Variants in FLNC observed in about 807,000 individuals in gnomAD.
FLNC encodes the protein filamin C.
FLNC carries 91 observed loss-of-function variants against 254.3 expected under a neutral mutation model. That is an observed-to-expected ratio of 0.36 (90% confidence interval 0.30 to 0.43). The LOEUF (loss-of-function observed/expected upper bound fraction) is 0.43. FLNC is among the 20% of genes least tolerant of loss of function. FLNC has a pLI of 1.00. For missense variants in FLNC, 2,853 were observed against 3,802.6 expected (o/e 0.75, Z 6.57); for synonymous variants, 1,430 against 1,577.2 (o/e 0.91, Z 2.21).
In FLNC at chr7:128,841,387, C is replaced by G; in HGVS notation, c.2007+24C>G. 6.2e-7 allele frequency: 1 copy of G among 1,613,678 alleles called. No individual in the cohort carries two copies. The highest frequency in any genetic ancestry group is 2.2e-5 in the East Asian group (1 of 44,884). ...AGGTGTGGTCCCAGCTCACACACAC[C>G]TGCCCCGGGGGTGGGGCAAGCTGGT... On this transcript the variant is annotated intron_variant, in intron 12 of 47. Transcript: ENST00000325888. The surrounding 1 kb of genome is among the most constrained non-coding windows in gnomAD (Gnocchi z 4.3).
At chr7:128,847,660 G>A (rs1808616652) in intron 24 of FLNC, 37 bp from the exon 25 acceptor site, 7 of 1,612,164 alleles carry the variant, frequency 4.3e-6, no homozygotes, top group Non-Finnish European at 5.9e-6. Flanking sequence ...GACCCATCAG[G>A]GCTGGTGGGC....
chr7:128,857,794 C>T lies in FLNC; in HGVS notation c.7781-214C>T, dbSNP rs931684172. Among the ~76,000 whole-genome samples, 2 of 152,160 alleles carry T rather than the reference C, an allele frequency of 1.3e-5. No individual in the cohort carries two copies. The highest frequency in any genetic ancestry group is 1.3e-4 in the Admixed American group (2 of 15,286). ...AGGGACGCAGCATCTGAGGCCCCAGCCCTAGGGTGGAGCACCAGTTGGAGC... is the reference window on the plus strand; with the variant it reads ...AGGGACGCAGCATCTGAGGCCCCAGTCCTAGGGTGGAGCACCAGTTGGAGC... On this transcript the variant is annotated intron_variant, in intron 46 of 47. Transcript: ENST00000325888. This position sits in a 1 kb window ranked among gnomAD's most constrained non-coding sequence, Gnocchi z 4.5.
In FLNC at chr7:128,852,507, G is replaced by C. The variant is rs571379135; in HGVS notation, c.5843-84G>C. 5.5e-4 allele frequency: 839 copies of C among 1,518,022 alleles called. 1 individual carries two copies. Among genetic ancestry groups the C allele is most frequent in the African/African-American group, 8.2e-4 (60 of 73,274 alleles). The allele number at this position is 1,518,022 out of a possible 1,614,324, so 94.0% of individuals were successfully genotyped here. ...CCCCGTGTCTGTTGAGTCCAGGGGG[G>C]GCTGCTCAGGAGGGTTCCTGAGCCC... On this transcript the variant is annotated intron_variant, in intron 35 of 47. Transcript: ENST00000325888.
At position 128,853,588 on chromosome 7, in the gene FLNC, A is replaced by G. The variant is rs1236042892; in HGVS notation, c.6328A>G (p.Ile2110Val). 1 of 1,613,978 alleles carries G rather than the reference A, an allele frequency of 6.2e-7. No individual in the cohort carries two copies. Among genetic ancestry groups the G allele is most frequent in the Non-Finnish European group, 8.5e-7 (1 of 1,180,046 alleles). ...YCPTEPGTYI[I>V]NIKFADKHVP... is the part of the protein sequence containing the mutation. ...CCCCACCGAGCCCGGCACCTACATC[A>G]TCAACATCAAGTTTGCTGACAAGCA... The change falls in exon 38 of 48, where the codon ATC becomes GTC. Residue 2110 changes from isoleucine (I) to valine (V), a missense_variant. By Grantham distance (29) the Ile-to-Val change is conservative. Transcript: ENST00000325888.
Position 128,835,465 on chromosome 7 carries a change from G to T in FLNC, c.492G>T (p.Arg164=), listed in dbSNP as rs751988597. Residue 164 remains arginine, a synonymous_variant, in exon 2 of 48, where the codon CGG becomes CGT. Coordinates refer to ENST00000325888, the MANE Select transcript of FLNC (RefSeq NM_001458.5). This position sits in a 1 kb window ranked among gnomAD's most constrained non-coding sequence, Gnocchi z 5.3. The stretch of plus-strand genomic sequence containing the variant: ...CCCGCAAACAGACGCCCAAGCAGCG[G>T]CTGCTTGGCTGGATCCAGAACAAGG... The part of the protein sequence containing the change: ...EDARKQTPKQ[R]LLGWIQNKVP... The T allele has an allele frequency of 3.1e-6, 5 of 1,613,950 alleles. No individual in the cohort carries two copies. Among genetic ancestry groups the T allele is most frequent in the Non-Finnish European group, 4.2e-6 (5 of 1,180,034 alleles).
At chr7:128,853,316 G>A in intron 37 of FLNC, 153 bp from the exon 38 acceptor site, 1 of 932,186 alleles carries the variant, frequency 1.1e-6, no homozygotes, top group Non-Finnish European at 1.7e-6. Context: ...CCTGTCCCGT[G>A]GTGCCCCCGC....
At position 128,841,186 on chromosome 7, in the gene FLNC, G is replaced by C. The variant is rs747467683; in HGVS notation, c.1830G>C (p.Gly610=). The C allele has an allele frequency of 6.2e-7, 1 of 1,613,882 alleles. No individual in the cohort carries two copies. ...EVGTLGFSIE[G]PSQAKIECDD... ...TTGCCCCAGGCTTCTCCATCGAGGG[G>C]CCCTCACAAGCCAAGATCGAATGTG... The change falls in exon 12 of 48, where the codon GGG becomes GGC. Residue 610 remains glycine, a synonymous_variant. Coordinates refer to ENST00000325888, the MANE Select transcript of FLNC (RefSeq NM_001458.5). The surrounding 1 kb of genome is among the most constrained non-coding windows in gnomAD (Gnocchi z 4.3).
At chr7:128,850,225 G>A in intron 31 of FLNC, 151 bp downstream of exon 31, 3 of 910,876 alleles carry the variant, frequency 3.3e-6, no homozygotes, top group African/African-American at 1.6e-5. Context: ...CCCCACTTGG[G>A]CACAGCACTC....
At chr7:128,843,053 G>C (rs1808407028) in intron 16 of FLNC, 99 bp downstream of exon 16, 3 of 1,484,546 alleles carry the variant, frequency 2.0e-6, no homozygotes, top group East Asian at 4.7e-5. Context: ...TGATTCCGCA[G>C]ACATGGTGGA....
At position 128,844,089 on chromosome 7, in the gene FLNC, G is replaced by A. The variant is rs1278675439; in HGVS notation, c.3015G>A (p.Ser1005=). ...GQGQLDVRMT[S]PSRRPIPCKL... ...GCCAACTGGATGTGCGGATGACTTCGCCCTCTCGCCGGCCCATCCCCTGCA... is the reference window on the plus strand; with the variant it reads ...GCCAACTGGATGTGCGGATGACTTCACCCTCTCGCCGGCCCATCCCCTGCA... Residue 1005 remains serine (S), a synonymous_variant, in exon 20 of 48, where the codon TCG becomes TCA. Transcript: ENST00000325888. The A allele has an allele frequency of 8.1e-6, 13 of 1,613,816 alleles. No individual in the cohort carries two copies. The East Asian group carries it at 1.6e-4, about 19-fold the overall frequency.
Position 128,844,807 on chromosome 7 carries a change from T to C in FLNC, c.3342T>C (p.Asp1114=), listed in dbSNP as rs2128936400. ...AGATCGAGTGCCAGGACAATGGTGA[T>C]GGCTCATGTGCTGTCAGCTACCTGC... ...EAKIECQDNG[D]GSCAVSYLPT... is the part of the protein sequence containing the mutation. Residue 1114 remains aspartate (D), a synonymous_variant, in exon 21 of 48, where the codon GAT becomes GAC. Transcript: ENST00000325888. 1 of 1,614,142 alleles carries C rather than the reference T, an allele frequency of 6.2e-7. No individual in the cohort carries two copies. The highest frequency in any genetic ancestry group is 8.5e-7 in the Non-Finnish European group (1 of 1,180,026).
In FLNC at chr7:128,850,502, C is replaced by G; in HGVS notation, c.5398+19C>G. ...CTCACAGGTACTGCCCTGTGGCTCC[C>G]AGGCATGAGGGCTGAGGGGAGAAAC... On this transcript the variant is annotated intron_variant, in intron 32 of 47. Coordinates refer to ENST00000325888, the MANE Select transcript of FLNC (RefSeq NM_001458.5). 6.3e-7 allele frequency: 1 copy of G among 1,589,036 alleles called. No individual in the cohort carries two copies. The highest frequency in any genetic ancestry group is 2.2e-5 in the East Asian group (1 of 44,798).
chr7:128,845,831 A>G, intron 21 of FLNC, among the ~76,000 whole-genome samples, 159 bp from the exon 22 acceptor site: 1 of 59,554 alleles, frequency 1.7e-5, no homozygotes, highest in African/African-American at 5.3e-5. Context: ...GCAGCCTGGG[A>G]GTTGGGGAGT....
Position 128,842,159 on chromosome 7 carries a change from G to T in FLNC, c.2122-72G>T. 1.3e-6 allele frequency: 2 copies of T among 1,522,574 alleles called. No individual in the cohort carries two copies. Among genetic ancestry groups the T allele is most frequent in the South Asian group, 2.3e-5 (2 of 86,064 alleles). 94.3% of individuals were successfully genotyped at this position (1,522,574 alleles called of 1,614,324 possible). A position where few individuals can be genotyped will look rare whatever the true frequency, so the allele number is the denominator to read the frequency against. On this transcript the variant is annotated intron_variant, in intron 13 of 47. Coordinates refer to ENST00000325888, the MANE Select transcript of FLNC (RefSeq NM_001458.5). The surrounding 1 kb of genome is among the most constrained non-coding windows in gnomAD (Gnocchi z 5.4). Reference sequence around the variant, plus strand: ...TTGGGGGTGGGAAAGGAGGCGCTGGGTTCACCTGCGGCCAGCAGAGGGCGC... The same window carrying T: ...TTGGGGGTGGGAAAGGAGGCGCTGGTTTCACCTGCGGCCAGCAGAGGGCGC...
rs1562991895 is a variant in FLNC at position 128,837,446 on chromosome 7, G to A, written c.748G>A (p.Val250Ile). 2.5e-6 allele frequency: 4 copies of A among 1,614,044 alleles called. No homozygotes were observed. Among genetic ancestry groups the A allele is most frequent in the Non-Finnish European group, 2.5e-6 (3 of 1,180,024 alleles). The change falls in exon 4 of 48, where the codon GTT becomes ATT. Residue 250 changes from valine to isoleucine, a missense_variant. By Grantham distance (29) the Val-to-Ile change is conservative. Transcript: ENST00000325888. The stretch of plus-strand genomic sequence containing the variant: ...GGACCCCAACGTGGATGAGCATTCT[G>A]TTATGACCTACCTGTCCCAGTTCCC... ...IVDPNVDEHSVMTYLSQFPKA... is the reference protein window; with the variant it reads ...IVDPNVDEHSIMTYLSQFPKA...
At chr7:128,855,899 C>T (rs959855421) in intron 43 of FLNC, among the ~76,000 whole-genome samples, 1 of 152,194 alleles carries the variant, frequency 6.6e-6, no homozygotes, top group African/African-American at 2.4e-5. Flanking sequence ...CCAGGGGACA[C>T]ATTGTAAAGG....
rs2128935920 is a variant in FLNC, at chr7:128,843,282, C to G, written c.2604C>G (p.Ser868Arg). Residue 868 changes from serine (S) to arginine (R), a missense_variant, in exon 17 of 48, where the codon AGC becomes AGG. Coordinates refer to ENST00000325888, the MANE Select transcript of FLNC (RefSeq NM_001458.5). ...AGGTGGACCCATCCCACGATGCCAG[C>G]AAAGTCAAGGCCGAGGGCCCTGGGC... Reference protein sequence around the residue: ...HIKVDPSHDASKVKAEGPGLN... With the variant: ...HIKVDPSHDARKVKAEGPGLN... The G allele has an allele frequency of 1.2e-6, 2 of 1,612,310 alleles. No homozygotes were observed. The highest frequency in any genetic ancestry group is 2.2e-5 in the South Asian group (2 of 90,684).
At chr7:128,831,106 C>T (rs112229213) in intron 1 of FLNC, 117 bp downstream of exon 1, 7 of 930,224 alleles carry the variant, frequency 7.5e-6, no homozygotes, top group African/African-American at 1.7e-5. Context: ...GGGCACCCCC[C>T]GGTATAGAGA....
chr7:128,858,619 C>A lies in FLNC; in HGVS notation c.*96C>A, dbSNP rs553334489. On this transcript the variant is annotated 3_prime_UTR_variant, in exon 48 of 48. Transcript: ENST00000325888. The surrounding 1 kb of genome is among the most constrained non-coding windows in gnomAD (Gnocchi z 6.7). ...CACACAAATGTGCCACACCCAGACACGCACAGAATCAGACACTACAAACAC... is the reference window on the plus strand; with the variant it reads ...CACACAAATGTGCCACACCCAGACAAGCACAGAATCAGACACTACAAACAC... The A allele has an allele frequency of 7.4e-6, 7 of 949,022 alleles. No homozygotes were observed. Among genetic ancestry groups the A allele is most frequent in the Non-Finnish European group, 1.2e-5 (7 of 599,920 alleles). The allele number at this position is 949,022 out of a possible 1,614,324, so 58.8% of individuals were successfully genotyped here. A position where few individuals can be genotyped will look rare whatever the true frequency, so the allele number is the denominator to read the frequency against.
Sources: gnomAD v4.1 joint callset for allele counts (sites outside exome capture counted in the v4.1 genomes callset) on GRCh38, gnomAD v4.1.1 for gene constraint, Gnocchi (gnomAD v3.1) non-coding constraint, MANE v1.5 for transcripts, NCBI Gene and HGNC (gene_info 2026-07-23, HGNC 2026-07-21) for gene names.